PARD3: variants seen among roughly 807,000 people sequenced by gnomAD.
PARD3 encodes par-3 family cell polarity regulator, also known as partitioning defective 3 homolog.
In PARD3, 75 loss-of-function variants were observed where a neutral mutation model predicts 155.4. The ratio of observed to expected loss-of-function variants is 0.48; its 90% CI spans 0.40 to 0.58. PARD3 has a LOEUF of 0.58. PARD3 is among the 20% of genes least tolerant of loss of function. The pLI is 0.00. For missense variants in PARD3, 1,642 were observed against 1,721.7 expected, an observed-to-expected ratio of 0.95 and a Z score of 0.82; for synonymous variants, 576 against 610.5, an observed-to-expected ratio of 0.94 and a Z score of 0.83.
At chr10:34,793,175 A>G (rs1446458637) in intron 1 of PARD3, among the ~76,000 whole-genome samples, 1 of 152,198 alleles carries the variant, frequency 6.6e-6, no homozygotes, top group African/African-American at 2.4e-5. Flanking sequence ...TTCTGAACAA[A>G]AAGCACAGCT....
Position 34,348,017 on chromosome 10 carries a change from A to G in PARD3, c.2166T>C (p.Ile722=). 1 of 1,613,572 alleles carries G rather than the reference A, an allele frequency of 6.2e-7. No homozygotes were observed. The highest frequency in any genetic ancestry group is 8.5e-7 in the Non-Finnish European group (1 of 1,179,684). ...RRISHSLYSG[I]EGLDESPSRN... ...TGCTGGGCGATTCATCAAGCCCCTCAATCCCACTGTAGAGGGAATGGGAAA... is the reference window on the plus strand; with the variant it reads ...TGCTGGGCGATTCATCAAGCCCCTCGATCCCACTGTAGAGGGAATGGGAAA... Residue 722 remains isoleucine, a synonymous_variant, in exon 15 of 25, where the codon ATT becomes ATC. Transcript: ENST00000374788.
intron 1 of PARD3, among the ~76,000 whole-genome samples, chr10:34,701,135 A>G (rs555083260): frequency 1.4e-4 from 21 of 152,276 alleles, no homozygotes; most frequent in Non-Finnish European, 2.4e-4. Context: ...TAGCAGAATG[A>G]GCAGACCAGA....
intron 1 of PARD3, among the ~76,000 whole-genome samples, chr10:34,752,816 T>C (rs1358436783): frequency 6.6e-6 from 1 of 152,176 alleles, no homozygotes; most frequent in Non-Finnish European, 1.5e-5. Flanking sequence ...GTCCTTTGAT[T>C]TGGGGTTATT....
At chr10:34,632,089 T>C (rs1326378650) in intron 2 of PARD3, among the ~76,000 whole-genome samples, 1 of 152,126 alleles carries the variant, frequency 6.6e-6, no homozygotes, top group Non-Finnish European at 1.5e-5. Flanking sequence ...CGAAATTCCA[T>C]CTCTACTAAA....
chr10:34,513,071 T>C, intron 3 of PARD3, among the ~76,000 whole-genome samples: 1 of 152,226 alleles, frequency 6.6e-6, no homozygotes, highest in Non-Finnish European at 1.5e-5. Context: ...AGATATTTCA[T>C]ACTCATTTTT....
Position 34,481,640 on chromosome 10 carries a change from T to A in PARD3, c.404-11377A>T, listed in dbSNP as rs377469267. On this transcript the variant is annotated intron_variant, in intron 3 of 24. Coordinates refer to ENST00000374788, the MANE Select transcript of PARD3 (RefSeq NM_001184785.2). ...ATGACTTTTCCTCTTTTATATATAT[T>A]TTGGTGTCCTTATTTTGCTATGGGA... Among the ~76,000 whole-genome samples the A allele has an allele frequency of 3.9e-5, 6 of 152,268 alleles. No homozygotes were observed. In the East Asian group the frequency reaches 5.8e-4, roughly 15 times the overall value.
At chr10:34,141,282 A>G (rs1489938743) in intron 22 of PARD3, among the ~76,000 whole-genome samples, 1 of 152,244 alleles carries the variant, frequency 6.6e-6, no homozygotes, top group African/African-American at 2.4e-5. Flanking sequence ...TCTGTAATAT[A>G]AAAAGAATTA....
intron 2 of PARD3, among the ~76,000 whole-genome samples, chr10:34,568,628 T>C (rs2086146554): frequency 6.6e-6 from 1 of 152,214 alleles, no homozygotes; most frequent in South Asian, 2.1e-4. Context: ...CTTGCAGCTG[T>C]GGGGTGGCAG....
At chr10:34,367,503 A>G (rs992958072) in intron 12 of PARD3, among the ~76,000 whole-genome samples, 5 of 152,180 alleles carry the variant, frequency 3.3e-5, no homozygotes, top group South Asian at 2.1e-4. Context: ...CAAGAGATCA[A>G]GACCATCCTG....
rs186127883 is a variant in PARD3 at position 34,667,507 on chromosome 10, C to T, written c.222+28811G>A. Among the ~76,000 whole-genome samples, 18 of 152,292 alleles carry T rather than the reference C, an allele frequency of 1.2e-4. No homozygotes were observed. The East Asian group carries it at 1.9e-3, about 16-fold the overall frequency. On this transcript the variant is annotated intron_variant, in intron 2 of 24. Coordinates refer to ENST00000374788, the MANE Select transcript of PARD3 (RefSeq NM_001184785.2). ...GAATTTAAGGCTACAAAATTGTCAC[C>T]TATTCATCACTGAACCATAAAAACA...
At chr10:34,557,903 C>T (rs1056650532) in intron 2 of PARD3, among the ~76,000 whole-genome samples, 3 of 148,886 alleles carry the variant, frequency 2.0e-5, no homozygotes, top group African/African-American at 7.5e-5. Flanking sequence ...CACTGCACTC[C>T]AGCCAGCCTG....
chr10:34,606,125 T>C (rs1366911384), intron 2 of PARD3, among the ~76,000 whole-genome samples: 1 of 149,126 alleles, frequency 6.7e-6, no homozygotes, highest in Non-Finnish European at 1.5e-5. Context: ...GAACTACATA[T>C]ATCTATATTA....
intron 7 of PARD3, among the ~76,000 whole-genome samples, chr10:34,392,664 G>A (rs1842957002): frequency 6.6e-6 from 1 of 152,118 alleles, no homozygotes; most frequent in African/African-American, 2.4e-5. Flanking sequence ...TACTACTAAT[G>A]AGAGTATGGT....
intron 22 of PARD3, among the ~76,000 whole-genome samples, chr10:34,170,466 G>C (rs1280065852): frequency 6.6e-6 from 1 of 152,180 alleles, no homozygotes; most frequent in Non-Finnish European, 1.5e-5. Context: ...GGTAGACACA[G>C]AGATGCACAA....
chr10:34,530,719 C>T (rs1376648330), intron 2 of PARD3, among the ~76,000 whole-genome samples: 2 of 152,186 alleles, frequency 1.3e-5, no homozygotes, highest in African/African-American at 4.8e-5. Flanking sequence ...ACAAGGAAGG[C>T]ACCTTCATTG....
At chr10:34,111,602 G>A (rs374143523) in intron 24 of PARD3, 40 bp from the exon 25 acceptor site, 5 of 1,528,886 alleles carry the variant, frequency 3.3e-6, no homozygotes, top group Non-Finnish European at 4.4e-6. Flanking sequence ...AGGGTAGGAA[G>A]AAGGAGGGAG....
intron 2 of PARD3, among the ~76,000 whole-genome samples, chr10:34,694,470 CTTTTTTTTTT>C (rs34628015): frequency 9.8e-6 from 1 of 101,922 alleles, no homozygotes. Flanking sequence ...AAAACTTCTG[CTTTTTTTTTT>C]TTTTTTTTTT....
At chr10:34,119,802 G>A in intron 23 of PARD3, 62 bp from the exon 24 acceptor site, 3 of 1,404,948 alleles carry the variant, frequency 2.1e-6, no homozygotes, top group Non-Finnish European at 1.9e-6. Context: ...CACACAACTG[G>A]TTGACTCCAT....
At chr10:34,310,653 A>G (rs1383031797) in intron 20 of PARD3, among the ~76,000 whole-genome samples, 1 of 152,238 alleles carries the variant, frequency 6.6e-6, no homozygotes, top group Non-Finnish European at 1.5e-5. Context: ...TAAAACTGCT[A>G]ACCAGGAAAA....
Sources: allele counts gnomAD v4.1 joint callset (sites outside exome capture counted in the v4.1 genomes callset), GRCh38; gene constraint gnomAD v4.1.1; transcripts MANE v1.5; gene names NCBI Gene and HGNC (gene_info 2026-07-23, HGNC 2026-07-21).